The following NME7 variants were observed in gnomAD, a reference collection of about 807,000 sequenced individuals.
The protein encoded by NME7 is NME/NM23 family member 7, also known as nucleoside diphosphate kinase 7.
NME7 carries 41 observed loss-of-function variants against 49.1 expected under a neutral mutation model. The observed-to-expected ratio is 0.83, with a 90% CI of 0.65 to 1.08. The LOEUF (loss-of-function observed/expected upper bound fraction) is 1.08. Ranked by LOEUF, NME7 falls within the 50% of genes least tolerant of loss-of-function variation. The pLI, the probability that NME7 is intolerant of heterozygous loss-of-function variation, is 0.00. For synonymous variants in NME7, 139 were observed against 150.6 expected (o/e 0.92, Z 0.56); for missense variants, 423 against 463.4 (o/e 0.91, Z 0.80).
At chr1:169,152,113 G>T (rs895963765) in intron 11 of NME7, among the ~76,000 whole-genome samples, 5 of 152,094 alleles carry the variant, frequency 3.3e-5, no homozygotes, top group Non-Finnish European at 5.9e-5. Context: ...GAGCCTAACA[G>T]GCCTGACACG....
chr1:169,339,980 T>C (rs1328114241), intron 1 of NME7, among the ~76,000 whole-genome samples: 1 of 151,380 alleles, frequency 6.6e-6, no homozygotes, highest in East Asian at 2.0e-4. Flanking sequence ...CTCTCCATTT[T>C]CCCTGATAGG....
chr1:169,325,329 GGCTGGGAGCA>G (rs1442018271), intron 1 of NME7, among the ~76,000 whole-genome samples: 6 of 152,068 alleles, frequency 3.9e-5, no homozygotes, highest in Non-Finnish European at 1.5e-5. Flanking sequence ...CTCAATCAGT[GGCTGGGAGCA>G]GCCTTTGGGA....
intron 1 of NME7, among the ~76,000 whole-genome samples, chr1:169,335,761 T>C (rs1226485602): frequency 6.8e-6 from 1 of 147,266 alleles, no homozygotes; most frequent in Non-Finnish European, 1.5e-5. Flanking sequence ...ATATATTAAA[T>C]ATATATTTAT....
intron 10 of NME7, among the ~76,000 whole-genome samples, chr1:169,190,946 G>A (rs1170065382): frequency 1.8e-5 from 2 of 112,016 alleles, no homozygotes; most frequent in African/African-American, 6.1e-5. Flanking sequence ...CCGAGTAGCT[G>A]GGACTACAGG....
chr1:169,293,052 T>A (rs891991900), intron 6 of NME7, among the ~76,000 whole-genome samples: 1 of 152,074 alleles, frequency 6.6e-6, no homozygotes, highest in Non-Finnish European at 1.5e-5. Context: ...TCCCAGCATT[T>A]TGGGAGGCCA....
At chr1:169,187,971 G>T (rs1415291374) in intron 10 of NME7, among the ~76,000 whole-genome samples, 1 of 152,132 alleles carries the variant, frequency 6.6e-6, no homozygotes, top group Non-Finnish European at 1.5e-5. Context: ...GCATTTGCTT[G>T]TCTGAAAAGG....
chr1:169,311,720 A>G (rs1270028683), intron 3 of NME7, among the ~76,000 whole-genome samples: 2 of 152,226 alleles, frequency 1.3e-5, no homozygotes, highest in African/African-American at 4.8e-5. Context: ...TTCACTGACC[A>G]TGGCTCTTAA....
chr1:169,197,040 G>A (rs1660398995), intron 10 of NME7, among the ~76,000 whole-genome samples: 1 of 152,122 alleles, frequency 6.6e-6, no homozygotes, highest in Non-Finnish European at 1.5e-5. Context: ...GTCTTAAGCT[G>A]AGTGAGTGAC....
Position 169,257,220 on chromosome 1 carries a change from C to T in NME7, c.755-19533G>A, listed in dbSNP as rs1001456779. Among the ~76,000 whole-genome samples the T allele has an allele frequency of 8.2e-5, 11 of 134,422 alleles. 2 individuals carry two copies. The highest frequency in any genetic ancestry group is 6.9e-4 in the South Asian group (3 of 4,340). The allele number at this position is 134,422 out of a possible 152,430, so 88.2% of individuals were successfully genotyped here. On this transcript the variant is annotated intron_variant, in intron 7 of 11. Transcript: ENST00000367811. ...GCTGTGCTGGCAATCGGCGAGACTCCGTGGGCATAGGACCCTCCAAGCCAG... is the reference window on the plus strand; with the variant it reads ...GCTGTGCTGGCAATCGGCGAGACTCTGTGGGCATAGGACCCTCCAAGCCAG...
At chr1:169,187,348 T>C (rs1199082839) in intron 10 of NME7, among the ~76,000 whole-genome samples, 1 of 152,162 alleles carries the variant, frequency 6.6e-6, no homozygotes, top group African/African-American at 2.4e-5. Flanking sequence ...AGTAGAGTGT[T>C]AAAGTCTCCC....
chr1:169,151,554 G>A (rs541817725), intron 11 of NME7, among the ~76,000 whole-genome samples: 1 of 152,250 alleles, frequency 6.6e-6, no homozygotes, highest in South Asian at 2.1e-4. Flanking sequence ...GCAGGAGGCT[G>A]GAAGAGATGA....
intron 10 of NME7, among the ~76,000 whole-genome samples, chr1:169,219,067 A>C (rs1425142478): frequency 6.6e-6 from 1 of 152,106 alleles, no homozygotes; most frequent in Non-Finnish European, 1.5e-5. Context: ...CTTCTTTGCC[A>C]AGCCAAATTT....
chr1:169,327,997 T>C (rs149907987), intron 1 of NME7, among the ~76,000 whole-genome samples: 5 of 152,326 alleles, frequency 3.3e-5, no homozygotes, highest in African/African-American at 1.2e-4. Context: ...CCATTCCTGA[T>C]GATACTATGA....
chr1:169,298,515 C>T (rs1443587667), intron 6 of NME7, 41 bp downstream of exon 6: 4 of 1,576,650 alleles, frequency 2.5e-6, no homozygotes, highest in Non-Finnish European at 3.5e-6. Flanking sequence ...AAACATTTAA[C>T]AGAACTAGAA....
At chr1:169,216,370 T>A (rs1000534906) in intron 10 of NME7, among the ~76,000 whole-genome samples, 6 of 152,128 alleles carry the variant, frequency 3.9e-5, no homozygotes, top group Admixed American at 1.3e-4. Flanking sequence ...GACTATGAAA[T>A]GAGACTTTCA....
At chr1:169,281,497 G>A (rs893918686) in intron 7 of NME7, among the ~76,000 whole-genome samples, 2 of 152,180 alleles carry the variant, frequency 1.3e-5, no homozygotes, top group Non-Finnish European at 2.9e-5. Flanking sequence ...ATGTTGAACA[G>A]GAGTGGTGAG....
At chr1:169,305,487 G>T (rs186722183) in intron 4 of NME7, among the ~76,000 whole-genome samples, 1 of 152,192 alleles carries the variant, frequency 6.6e-6, no homozygotes, top group Non-Finnish European at 1.5e-5. Flanking sequence ...CATACATTGT[G>T]AGAAATTCCT....
chr1:169,193,506 C>T (rs1318596114), intron 10 of NME7, among the ~76,000 whole-genome samples: 2 of 152,134 alleles, frequency 1.3e-5, no homozygotes, highest in African/African-American at 2.4e-5. Context: ...GGTAGTTTCC[C>T]AGGGTCTCAA....
chr1:169,277,252 C>T (rs1649773953), intron 7 of NME7, among the ~76,000 whole-genome samples: 1 of 143,940 alleles, frequency 6.9e-6, no homozygotes, highest in Non-Finnish European at 1.5e-5. Context: ...TGTTGACTTT[C>T]TGTCTCGTTG....
Sources: gnomAD v4.1 joint callset for allele counts (sites outside exome capture counted in the v4.1 genomes callset) on GRCh38, gnomAD v4.1.1 for gene constraint, MANE v1.5 for transcripts, NCBI Gene and HGNC (gene_info 2026-07-23, HGNC 2026-07-21) for gene names.